The following PDCL3 variants were observed in gnomAD, a reference collection of about 807,000 sequenced individuals.
The protein encoded by PDCL3 is phosducin-like protein 3.
In PDCL3, 22 loss-of-function variants were observed where a neutral mutation model predicts 26.5. The observed-to-expected ratio is 0.83, with a 90% CI of 0.59 to 1.19. The LOEUF (loss-of-function observed/expected upper bound fraction) is 1.19, where lower values mean the gene tolerates loss of function less well. Among genes scored for constraint, PDCL3 ranks in the 50% most tolerant of loss-of-function variants. The pLI is 0.00. For synonymous variants in PDCL3, 81 were observed against 104.9 expected, an observed-to-expected ratio of 0.77 and a Z score of 1.39; for missense variants, 246 against 294.1, an observed-to-expected ratio of 0.84 and a Z score of 1.20.
At chr2:100,563,218 G>C (rs1674985453) in intron 1 of PDCL3, 145 bp downstream of exon 1, 2 of 1,029,026 alleles carry the variant, frequency 1.9e-6, no homozygotes, top group South Asian at 1.9e-5. Flanking sequence ...CCCTGCGCAG[G>C]CGCAGTGCGG....
intron 5 of PDCL3, among the ~76,000 whole-genome samples, chr2:100,573,062 T>G (rs1675210170): frequency 6.6e-6 from 1 of 151,326 alleles, no homozygotes; most frequent in Non-Finnish European, 1.5e-5. Flanking sequence ...TTTTTGTATT[T>G]TTAGTAGGGA....
chr2:100,568,825 T>C, intron 2 of PDCL3, 106 bp from the exon 3 acceptor site: 1 of 851,512 alleles, frequency 1.2e-6, no homozygotes, highest in South Asian at 1.5e-5. Flanking sequence ...GCTAAGGATC[T>C]GGTGTTGTGT....
chr2:100,575,419 G>GAA (rs1266370179), intron 5 of PDCL3, among the ~76,000 whole-genome samples: 26 of 152,210 alleles, frequency 1.7e-4, no homozygotes, highest in Admixed American at 1.4e-3. Flanking sequence ...ACAGGCATGT[G>GAA]CCACCGCGCC....
chr2:100,569,774 C>A, intron 4 of PDCL3, 53 bp downstream of exon 4: 1 of 1,575,544 alleles, frequency 6.3e-7, no homozygotes, highest in South Asian at 1.2e-5. Context: ...TTTATGTCTT[C>A]AGGATCTCAG....
At chr2:100,565,887 A>G (rs1675050381) in intron 1 of PDCL3, among the ~76,000 whole-genome samples, 2 of 152,130 alleles carry the variant, frequency 1.3e-5, no homozygotes, top group Admixed American at 6.5e-5. Context: ...TATCTGTTGA[A>G]TGAATCACTC....
At chr2:100,570,324 A>G (rs1675141995) in intron 4 of PDCL3, among the ~76,000 whole-genome samples, 1 of 152,166 alleles carries the variant, frequency 6.6e-6, no homozygotes, top group African/African-American at 2.4e-5. Flanking sequence ...TGACATTTCA[A>G]CATTCTATGT....
chr2:100,570,016 G>A (rs924607524), intron 4 of PDCL3, among the ~76,000 whole-genome samples: 2 of 152,020 alleles, frequency 1.3e-5, no homozygotes, highest in Non-Finnish European at 2.9e-5. Context: ...AGGCTGAGGT[G>A]GGAGAATGGC....
At chr2:100,569,844 C>A in intron 4 of PDCL3, 123 bp downstream of exon 4, 1 of 1,039,434 alleles carries the variant, frequency 9.6e-7, no homozygotes, top group Non-Finnish European at 1.4e-6. Context: ...CAGTAGCTCA[C>A]ACCTGTAATC....
At chr2:100,574,731 G>T (rs1413106134) in intron 5 of PDCL3, among the ~76,000 whole-genome samples, 10 of 152,064 alleles carry the variant, frequency 6.6e-5, no homozygotes, top group Admixed American at 5.9e-4. Flanking sequence ...TTGTATCCTT[G>T]GCCAACATCT....
At position 100,569,630 on chromosome 2, in the gene PDCL3, G is replaced by C; in HGVS notation, c.277G>C (p.Glu93Gln). Reference protein sequence around the residue: ...KATKLKNKFGEVLEISGKDYV... With the variant: ...KATKLKNKFGQVLEISGKDYV... Reference sequence around the variant, plus strand: ...AACTAAACTGAAGAATAAATTCGGAGAAGTTTTGGAGATCTCAGGGAAGGA... The same window carrying C: ...AACTAAACTGAAGAATAAATTCGGACAAGTTTTGGAGATCTCAGGGAAGGA... Residue 93 changes from glutamate (E) to glutamine (Q), a missense_variant, in exon 4 of 6, where the codon GAA (glutamate) becomes CAA (glutamine). Coordinates refer to ENST00000264254, the MANE Select transcript of PDCL3 (RefSeq NM_024065.5). 1 of 1,614,008 alleles carries C rather than the reference G, an allele frequency of 6.2e-7. No homozygotes were observed. Among genetic ancestry groups the C allele is most frequent in the Non-Finnish European group, 8.5e-7 (1 of 1,179,948 alleles).
At position 100,566,583 on chromosome 2, in the gene PDCL3, G is replaced by A; in HGVS notation, c.87G>A (p.Leu29=). The stretch of plus-strand genomic sequence containing the variant: ...CCCCCAAGGAAAGTCTGAAAGAATT[G>A]GAAGAGGAGGCAGAAGAGGAGCAGC... ...ILPPKESLKE[L]EEEAEEEQRI... Residue 29 remains leucine (L), a synonymous_variant, in exon 2 of 6, where the codon TTG becomes TTA. Coordinates refer to ENST00000264254, the MANE Select transcript of PDCL3 (RefSeq NM_024065.5). 2 of 1,614,000 alleles carry A rather than the reference G, an allele frequency of 1.2e-6. No homozygotes were observed. The highest frequency in any genetic ancestry group is 1.3e-5 in the African/African-American group (1 of 75,042).
rs1674978580 is a variant in PDCL3, at chr2:100,563,054, G to A, written c.-14G>A. 2 of 1,603,538 alleles carry A rather than the reference G, an allele frequency of 1.2e-6. No homozygotes were observed. The highest frequency in any genetic ancestry group is 2.2e-5 in the East Asian group (1 of 44,470). ...TGCGGCACAGCTGGTTTGAGCAACTGAACTGGAAACAAGATGCAGGTGAGC... is the reference window on the plus strand; with the variant it reads ...TGCGGCACAGCTGGTTTGAGCAACTAAACTGGAAACAAGATGCAGGTGAGC... On this transcript the variant is annotated 5_prime_UTR_variant, in exon 1 of 6. Coordinates refer to ENST00000264254, the MANE Select transcript of PDCL3 (RefSeq NM_024065.5).
chr2:100,566,254 A>G (rs1351693849), intron 1 of PDCL3, among the ~76,000 whole-genome samples: 1 of 152,160 alleles, frequency 6.6e-6, no homozygotes, highest in Non-Finnish European at 1.5e-5. Context: ...GAGCCTTGGT[A>G]TCCGTATTGA....
intron 1 of PDCL3, chr2:100,563,315 A>C (rs10197434): frequency 4.1e-6 from 2 of 482,994 alleles, no homozygotes; most frequent in East Asian, 3.6e-5. Flanking sequence ...CTCCGGGACT[A>C]TGTCTTCTCG....
At chr2:100,567,048 G>A (rs1281782720) in intron 2 of PDCL3, among the ~76,000 whole-genome samples, 1 of 152,164 alleles carries the variant, frequency 6.6e-6, no homozygotes, top group Non-Finnish European at 1.5e-5. Context: ...TCTGAGGGGG[G>A]TTTTCTCAAA....
In PDCL3 at chr2:100,568,994, A is replaced by G. The variant is rs1485449064; in HGVS notation, c.197A>G (p.Glu66Gly). The stretch of plus-strand genomic sequence containing the variant: ...GATCATGAAGACGAGTTTAATGAGG[A>G]GGATGAACGTGCTATTGAAATGTAC... ...LEDHEDEFNE[E>G]DERAIEMYRR... Residue 66 changes from glutamate to glycine, a missense_variant, in exon 3 of 6, where the codon GAG (glutamate) becomes GGG (glycine). Transcript: ENST00000264254. The G allele has an allele frequency of 6.2e-7, 1 of 1,614,102 alleles. No homozygotes were observed. Among genetic ancestry groups the G allele is most frequent in the South Asian group, 1.1e-5 (1 of 91,076 alleles).
chr2:100,572,166 A>G (rs1675191059), intron 5 of PDCL3: 2 of 236,322 alleles, frequency 8.5e-6, no homozygotes, highest in Non-Finnish European at 1.6e-5. Context: ...ATTTTTCTAC[A>G]GAAACATTCT....
At chr2:100,572,385 T>C (rs980942630) in intron 5 of PDCL3, among the ~76,000 whole-genome samples, 1 of 152,048 alleles carries the variant, frequency 6.6e-6, no homozygotes, top group Non-Finnish European at 1.5e-5. Flanking sequence ...CTAATTTTTG[T>C]ATTTTTAGTG....
chr2:100,566,173 G>A (rs938107631), intron 1 of PDCL3, among the ~76,000 whole-genome samples: 2 of 151,712 alleles, frequency 1.3e-5, no homozygotes, highest in Non-Finnish European at 1.5e-5. Flanking sequence ...AAAGTGCTGG[G>A]ATTACAGGCG....
Sources: gnomAD v4.1 joint callset for allele counts (sites outside exome capture counted in the v4.1 genomes callset) on GRCh38, gnomAD v4.1.1 for gene constraint, MANE v1.5 for transcripts, NCBI Gene and HGNC (gene_info 2026-07-23, HGNC 2026-07-21) for gene names.